The following TLE1 variants were observed in gnomAD, a reference collection of about 807,000 sequenced individuals.
The protein encoded by TLE1 is transducin-like enhancer protein 1.
TLE1 carries 21 observed loss-of-function variants against 89.8 expected under a neutral mutation model. The observed-to-expected ratio is 0.23, with a 90% CI of 0.17 to 0.34. The LOEUF is 0.34. Ranked by LOEUF, TLE1 falls within the 10% of genes least tolerant of loss-of-function variation. The probability of loss-of-function intolerance (pLI) is 1.00; values close to 1 mark genes in which losing one functional copy is unlikely to be tolerated. For missense variants in TLE1, 795 were observed against 1,031.2 expected, an observed-to-expected ratio of 0.77 and a Z score of 3.14; for synonymous variants, 447 against 407.6, an observed-to-expected ratio of 1.10 and a Z score of -1.16.
chr9:81,609,940 C>A (rs182723853), intron 14 of TLE1, among the ~76,000 whole-genome samples: 5 of 152,288 alleles, frequency 3.3e-5, no homozygotes, highest in Admixed American at 2.0e-4. Flanking sequence ...AGGGGTCAGG[C>A]GAAGAGGGCC....
At chr9:81,597,461 G>A (rs1390921886) in intron 14 of TLE1, among the ~76,000 whole-genome samples, 3 of 152,162 alleles carry the variant, frequency 2.0e-5, no homozygotes, top group African/African-American at 7.2e-5. Context: ...GAGAGTGGGG[G>A]AAATGGCAGT....
intron 14 of TLE1, 119 bp from the exon 15 acceptor site, chr9:81,593,393 A>G (rs1354157077): frequency 1.5e-6 from 2 of 1,333,380 alleles, no homozygotes; most frequent in Admixed American, 2.9e-5. Flanking sequence ...TCTCTTGTAT[A>G]GTTTCCTTTG....
intron 12 of TLE1, among the ~76,000 whole-genome samples, chr9:81,612,931 G>A (rs568077610): frequency 5.9e-5 from 9 of 152,274 alleles, no homozygotes; most frequent in South Asian, 4.1e-4. Context: ...GGTGGCAGGC[G>A]CCTGTAATCC....
At chr9:81,673,211 T>C (rs1451640482) in intron 4 of TLE1, among the ~76,000 whole-genome samples, 3 of 146,298 alleles carry the variant, frequency 2.1e-5, no homozygotes, top group Non-Finnish European at 4.5e-5. Context: ...AGGTGGAGGT[T>C]GCAGTGAACC....
At chr9:81,614,041 G>A (rs1287720993) in intron 11 of TLE1, among the ~76,000 whole-genome samples, 2 of 151,458 alleles carry the variant, frequency 1.3e-5, no homozygotes, top group Non-Finnish European at 2.9e-5. Flanking sequence ...CTGAGTAGCT[G>A]GGACTACAGG....
In TLE1 at chr9:81,611,898, G is replaced by A. The variant is rs1411166207; in HGVS notation, c.1125C>T (p.Val375=). Residue 375 remains valine (V), a synonymous_variant, in exon 13 of 20, where the codon GTC becomes GTT. Transcript: ENST00000376499. ...PGPYPAPFGM[V]PHAGMNGELT... ...GCTCGCCGTTCATGCCAGCGTGGGGGACCATCCCAAAAGGAGCAGGATATG... is the reference window on the plus strand; with the variant it reads ...GCTCGCCGTTCATGCCAGCGTGGGGAACCATCCCAAAAGGAGCAGGATATG... 3 of 1,534,702 alleles carry A rather than the reference G, an allele frequency of 2.0e-6. No homozygotes were observed. Among genetic ancestry groups the A allele is most frequent in the Admixed American group, 2.2e-5 (1 of 44,710 alleles).
intron 4 of TLE1, among the ~76,000 whole-genome samples, chr9:81,673,339 A>G (rs562326139): frequency 6.6e-6 from 1 of 151,222 alleles, no homozygotes; most frequent in African/African-American, 2.4e-5. Context: ...TTTTAAGCCT[A>G]AAGATAAATG....
chr9:81,655,530 C>CA (rs1053566499), intron 4 of TLE1, among the ~76,000 whole-genome samples: 1 of 151,964 alleles, frequency 6.6e-6, no homozygotes, highest in African/African-American at 2.4e-5. Flanking sequence ...TACAGCAATG[C>CA]AAAGCAGCTC....
intron 14 of TLE1, among the ~76,000 whole-genome samples, chr9:81,593,523 T>C (rs1401206506): frequency 1.3e-5 from 2 of 152,210 alleles, no homozygotes; most frequent in Non-Finnish European, 2.9e-5. Context: ...TTAAGGGTTT[T>C]AAATTGTTCT....
intron 10 of TLE1, 53 bp downstream of exon 10, chr9:81,616,593 A>G (rs1824545602): frequency 5.6e-6 from 9 of 1,595,538 alleles, no homozygotes; most frequent in East Asian, 2.2e-5. Flanking sequence ...GTTTTTTTTC[A>G]TAACATTATT....
chr9:81,663,093 G>A (rs547554093), intron 4 of TLE1, among the ~76,000 whole-genome samples: 2 of 152,138 alleles, frequency 1.3e-5, no homozygotes, highest in East Asian at 3.9e-4. Flanking sequence ...TTATCCACAC[G>A]CCTCGGCCCC....
At chr9:81,619,489 A>C (rs1214633250) in intron 9 of TLE1, among the ~76,000 whole-genome samples, 1 of 152,142 alleles carries the variant, frequency 6.6e-6, no homozygotes, top group East Asian at 1.9e-4. Context: ...GGCACTCAAA[A>C]AGATGTTACC....
chr9:81,613,267 C>T (rs559447045), intron 12 of TLE1, 110 bp downstream of exon 12: 2 of 1,450,864 alleles, frequency 1.4e-6, no homozygotes, highest in South Asian at 2.8e-5. Context: ...GAGGGTGGCC[C>T]TACGTACATT....
chr9:81,667,979 C>A (rs933789871), intron 4 of TLE1, among the ~76,000 whole-genome samples: 1 of 152,072 alleles, frequency 6.6e-6, no homozygotes, highest in African/African-American at 2.4e-5. Context: ...GCCTGGCCAA[C>A]ATGGTGAAAC....
chr9:81,665,262 C>T (rs1588175606), intron 4 of TLE1, among the ~76,000 whole-genome samples: 1 of 152,178 alleles, frequency 6.6e-6, no homozygotes, highest in Non-Finnish European at 1.5e-5. Context: ...AATGTAATCT[C>T]GCCCCTTCTT....
In TLE1 at chr9:81,689,502, C is replaced by T. The variant is rs1834758187; in HGVS notation, c.-1262G>A. On this transcript the variant is annotated 5_prime_UTR_variant, in exon 1 of 20. Coordinates refer to ENST00000376499, the MANE Select transcript of TLE1 (RefSeq NM_005077.5). The stretch of plus-strand genomic sequence containing the variant: ...CTGCTGCTGCTGCTTCTGCAGCCGC[C>T]GCTCCCACCGCCGCCGCCGCCCGCG... Among the ~76,000 whole-genome samples the T allele has an allele frequency of 1.3e-5, 2 of 152,002 alleles. No individual in the cohort carries two copies. The highest frequency in any genetic ancestry group is 1.5e-5 in the Non-Finnish European group (1 of 67,986).
intron 4 of TLE1, among the ~76,000 whole-genome samples, chr9:81,659,112 T>G (rs981817633): frequency 6.6e-6 from 1 of 152,130 alleles, no homozygotes; most frequent in African/African-American, 2.4e-5. Flanking sequence ...TTTCACCATG[T>G]TGGCCAGGAT....
intron 6 of TLE1, among the ~76,000 whole-genome samples, chr9:81,650,004 C>T (rs1019307272): frequency 6.6e-6 from 1 of 152,170 alleles, no homozygotes; most frequent in Non-Finnish European, 1.5e-5. Flanking sequence ...TGATAAAAAC[C>T]GCACATGCCA....
intron 4 of TLE1, among the ~76,000 whole-genome samples, chr9:81,666,551 C>A (rs757385433): frequency 6.6e-6 from 1 of 151,520 alleles, no homozygotes; most frequent in Non-Finnish European, 1.5e-5. Flanking sequence ...CCGAGGCAGG[C>A]GGATTATGAG....
Sources: allele counts gnomAD v4.1 joint callset (sites outside exome capture counted in the v4.1 genomes callset), GRCh38; gene constraint gnomAD v4.1.1; transcripts MANE v1.5; gene names NCBI Gene and HGNC (gene_info 2026-07-23, HGNC 2026-07-21).